Variants in SLC10A7 observed in about 807,000 individuals in gnomAD.
SLC10A7 encodes solute carrier family 10 member 7, also known as sodium/bile acid cotransporter 7.
In SLC10A7, 29 loss-of-function variants were observed where a neutral mutation model predicts 43.2. The ratio of observed to expected loss-of-function variants is 0.67; its 90% confidence interval spans 0.50 to 0.92. SLC10A7 has a LOEUF of 0.92. Ranked by LOEUF, SLC10A7 falls within the 40% of genes least tolerant of loss-of-function variation. SLC10A7 has a pLI of 0.00. For missense variants in SLC10A7, 295 were observed against 403.2 expected (o/e 0.73, Z 2.30); for synonymous variants, 152 against 144.8 (o/e 1.05, Z -0.35).
intron 6 of SLC10A7, among the ~76,000 whole-genome samples, chr4:146,312,252 C>G (rs78692355): frequency 6.6e-5 from 10 of 152,094 alleles, no homozygotes; most frequent in African/African-American, 2.2e-4. Flanking sequence ...CTTCACTTTT[C>G]TTTTTGTTTA....
intron 5 of SLC10A7, among the ~76,000 whole-genome samples, chr4:146,355,531 A>C (rs1735519525): frequency 6.6e-6 from 1 of 151,534 alleles, no homozygotes; most frequent in Non-Finnish European, 1.5e-5. Flanking sequence ...CAGCCATCCC[A>C]TTACTGGGTA....
intron 5 of SLC10A7, among the ~76,000 whole-genome samples, chr4:146,430,212 C>T (rs940728014): frequency 4.0e-5 from 6 of 151,518 alleles, no homozygotes; most frequent in Admixed American, 2.6e-4. Context: ...ACTGGATGGG[C>T]GGGGAGAGAG....
At chr4:146,290,906 A>T (rs1257433794) in intron 9 of SLC10A7, among the ~76,000 whole-genome samples, 2 of 152,240 alleles carry the variant, frequency 1.3e-5, no homozygotes, top group Non-Finnish European at 1.5e-5. Context: ...AAAAACCCTG[A>T]CAGAACCTCA....
intron 1 of SLC10A7, among the ~76,000 whole-genome samples, chr4:146,518,254 T>C (rs919941369): frequency 6.6e-6 from 1 of 152,200 alleles, no homozygotes; most frequent in Non-Finnish European, 1.5e-5. Context: ...TATATAGCAG[T>C]GGTTCTCCAG....
At chr4:146,335,286 C>T (rs1378395747) in intron 5 of SLC10A7, among the ~76,000 whole-genome samples, 3 of 126,868 alleles carry the variant, frequency 2.4e-5, no homozygotes, top group East Asian at 2.8e-4. Flanking sequence ...AAAAAAGAGT[C>T]CTGGATCAGA....
chr4:146,395,840 A>G (rs1738787828), intron 5 of SLC10A7, among the ~76,000 whole-genome samples: 1 of 152,188 alleles, frequency 6.6e-6, no homozygotes, highest in Non-Finnish European at 1.5e-5. Context: ...TAGTACTTGT[A>G]TTCAACCATA....
At chr4:146,355,539 G>A (rs944305890) in intron 5 of SLC10A7, among the ~76,000 whole-genome samples, 4 of 151,348 alleles carry the variant, frequency 2.6e-5, no homozygotes, top group African/African-American at 9.7e-5. Flanking sequence ...CCATTACTGG[G>A]TATATACCCA....
intron 4 of SLC10A7, among the ~76,000 whole-genome samples, chr4:146,479,144 C>G (rs1376180337): frequency 6.6e-6 from 1 of 152,070 alleles, no homozygotes; most frequent in Non-Finnish European, 1.5e-5. Flanking sequence ...AAATGTTACC[C>G]TGCAATATGA....
At chr4:146,452,598 T>C (rs537038398) in intron 4 of SLC10A7, among the ~76,000 whole-genome samples, 4 of 152,228 alleles carry the variant, frequency 2.6e-5, no homozygotes, top group South Asian at 2.1e-4. Context: ...AGTTTTACTA[T>C]TGACTACTTA....
chr4:146,289,282 T>A (rs1246233445), intron 9 of SLC10A7, among the ~76,000 whole-genome samples: 1 of 152,176 alleles, frequency 6.6e-6, no homozygotes, highest in Admixed American at 6.5e-5. Flanking sequence ...CCCATCCTGC[T>A]TCTCCCAGGG....
intron 7 of SLC10A7, among the ~76,000 whole-genome samples, chr4:146,304,703 G>A (rs998631831): frequency 9.2e-5 from 14 of 152,054 alleles, no homozygotes; most frequent in Admixed American, 5.9e-4. Context: ...GTGTGGTGTG[G>A]TGCTGAAAAA....
intron 4 of SLC10A7, among the ~76,000 whole-genome samples, chr4:146,481,986 C>T (rs1734514573): frequency 6.6e-6 from 1 of 152,184 alleles, no homozygotes; most frequent in African/African-American, 2.4e-5. Flanking sequence ...CACAGAGGCA[C>T]CCACAGTCAT....
At chr4:146,312,042 G>T (rs1732016200) in intron 6 of SLC10A7, among the ~76,000 whole-genome samples, 2 of 152,104 alleles carry the variant, frequency 1.3e-5, no homozygotes, top group Admixed American at 1.3e-4. Context: ...TCAAAATTAG[G>T]AATATGGTTA....
At position 146,373,473 on chromosome 4, in the gene SLC10A7, CA is replaced by C. The variant is rs3054691; in HGVS notation, c.436-47478del. On this transcript the variant is annotated intron_variant, in intron 5 of 11. Coordinates refer to ENST00000335472, the MANE Select transcript of SLC10A7 (RefSeq NM_001029998.6). ...TAGGCGAGATAGCAAGACCCTGTCT[CA>C]AAAAAAAAAAAAAAATGTGATAACA... 3.9e-3 allele frequency among the ~76,000 whole-genome samples: 505 copies of C among 128,358 alleles called. 2 individuals carry two copies. The highest frequency in any genetic ancestry group is 0.012 in the African/African-American group (409 of 33,828). 84.2% of individuals were successfully genotyped at this position (128,358 alleles called of 152,430 possible). A position where few individuals can be genotyped will look rare whatever the true frequency, so the allele number is the denominator to read the frequency against.
chr4:146,395,323 G>A (rs766474000), intron 5 of SLC10A7, among the ~76,000 whole-genome samples: 3 of 152,150 alleles, frequency 2.0e-5, no homozygotes, highest in Non-Finnish European at 2.9e-5. Context: ...CCAGAAGTTC[G>A]AGGCTGCAGT....
At chr4:146,393,304 A>C (rs1423319098) in intron 5 of SLC10A7, among the ~76,000 whole-genome samples, 2 of 152,094 alleles carry the variant, frequency 1.3e-5, no homozygotes, top group South Asian at 2.1e-4. Flanking sequence ...TTTTATAACA[A>C]CCCCATGAGC....
At chr4:146,494,672 G>A (rs188712453) in intron 4 of SLC10A7, among the ~76,000 whole-genome samples, 209 of 152,220 alleles carry the variant, frequency 1.4e-3, no homozygotes, top group African/African-American at 4.6e-3. Context: ...TCTTTTCTGT[G>A]TCATGAATCA....
chr4:146,363,405 A>G (rs915544595), intron 5 of SLC10A7, among the ~76,000 whole-genome samples: 1 of 152,158 alleles, frequency 6.6e-6, no homozygotes, highest in Non-Finnish European at 1.5e-5. Context: ...ACCCAATACA[A>G]TAATAGCTGG....
intron 4 of SLC10A7, among the ~76,000 whole-genome samples, chr4:146,463,941 GC>G (rs1168792972): frequency 1.2e-4 from 18 of 149,742 alleles, no homozygotes; most frequent in Admixed American, 1.1e-3. Flanking sequence ...TCCCACCTCA[GC>G]CTCCCAAGTT....
Sources: gnomAD v4.1 joint callset for allele counts (sites outside exome capture counted in the v4.1 genomes callset) on GRCh38, gnomAD v4.1.1 for gene constraint, MANE v1.5 for transcripts, NCBI Gene and HGNC (gene_info 2026-07-23, HGNC 2026-07-21) for gene names.